The following AP1S3 variants were observed in gnomAD, a reference collection of about 807,000 sequenced individuals.
AP1S3 encodes the protein AP-1 complex subunit sigma-3.
A neutral mutation model predicts 20.9 loss-of-function variants in AP1S3; 10 were observed. The observed-to-expected ratio is 0.48, with a 90% CI of 0.29 to 0.81. AP1S3 has a LOEUF of 0.81. Among genes scored for constraint, AP1S3 ranks in the 30% least tolerant of loss-of-function variants. AP1S3 has a pLI of 0.08. For missense variants in AP1S3, 154 were observed against 183.8 expected (o/e 0.84, Z 0.94); for synonymous variants, 41 against 61.5 (o/e 0.67, Z 1.56).
At chr2:223,787,613 G>C (rs1246224954) in intron 1 of AP1S3, among the ~76,000 whole-genome samples, 1 of 152,248 alleles carries the variant, frequency 6.6e-6, no homozygotes, top group Non-Finnish European at 1.5e-5. Context: ...GGGGCACCAT[G>C]TCCCTAGAAG....
chr2:223,762,309 G>A (rs1254652844), intron 4 of AP1S3, among the ~76,000 whole-genome samples: 1 of 115,896 alleles, frequency 8.6e-6, no homozygotes, highest in South Asian at 2.7e-4. Context: ...GTCTTGCTCT[G>A]TCACCCAGGC....
chr2:223,780,838 A>C (rs1160881919), intron 1 of AP1S3, among the ~76,000 whole-genome samples: 1 of 151,874 alleles, frequency 6.6e-6, no homozygotes, highest in African/African-American at 2.4e-5. Context: ...TGCTTTTCTT[A>C]CATGGGTATA....
In AP1S3 at chr2:223,815,977, G is replaced by C. The variant is rs866603731; in HGVS notation, c.3+21471C>G. ...ATACAAAAATTATCTGGGTATGGTG[G>C]CATATGCCTGTGGTCCCAGCTACTC... On this transcript the variant is annotated intron_variant, in intron 1 of 4. Coordinates refer to ENST00000396654, the MANE Select transcript of AP1S3 (RefSeq NM_001039569.2). Among the ~76,000 whole-genome samples the C allele has an allele frequency of 1.3e-4, 20 of 152,288 alleles. 1 individual carries two copies. Among genetic ancestry groups the C allele is most frequent in the Middle Eastern group, 6.8e-3 (2 of 294 alleles).
intron 1 of AP1S3, among the ~76,000 whole-genome samples, chr2:223,780,660 G>A (rs1246807231): frequency 6.6e-6 from 1 of 151,760 alleles, no homozygotes; most frequent in East Asian, 1.9e-4. Context: ...CGAACTCCTA[G>A]GCTCAAGCGA....
chr2:223,756,338 GAAAGA>G lies in AP1S3; in HGVS notation c.*2372_*2376del, dbSNP rs397940810. 7.9e-4 allele frequency: 206 copies of G among 261,666 alleles called. No individual in the cohort carries two copies. The highest frequency in any genetic ancestry group is 1.9e-3 in the Middle Eastern group (1 of 520). 16.2% of individuals were successfully genotyped at this position (261,666 alleles called of 1,614,324 possible). On this transcript the variant is annotated 3_prime_UTR_variant, in exon 5 of 5. Transcript: ENST00000396654. ...GGTGACAAGAAGCGAGGAAAGAAAA[GAAAGA>G]AAAGAAAAGAAAAGAGAAAAAGAAA...
chr2:223,826,787 G>A (rs945810827), intron 1 of AP1S3, among the ~76,000 whole-genome samples: 3 of 152,006 alleles, frequency 2.0e-5, no homozygotes, highest in African/African-American at 4.8e-5. Flanking sequence ...CCAAGTAGCT[G>A]GGAATACAGG....
intron 2 of AP1S3, among the ~76,000 whole-genome samples, chr2:223,776,872 C>G (rs1690796367): frequency 6.6e-6 from 1 of 152,294 alleles, no homozygotes; most frequent in South Asian, 2.1e-4. Context: ...GAACTGACTA[C>G]TTAAACTCTT....
intron 1 of AP1S3, among the ~76,000 whole-genome samples, chr2:223,812,967 C>T (rs556023732): frequency 4.9e-4 from 74 of 151,236 alleles, no homozygotes; most frequent in African/African-American, 1.7e-3. Context: ...CCTGTTCTGT[C>T]GCCCAGGCTG....
intron 1 of AP1S3, among the ~76,000 whole-genome samples, chr2:223,778,565 T>C (rs1690847089): frequency 6.6e-6 from 1 of 152,204 alleles, no homozygotes. Context: ...AAGGATTTAC[T>C]TTAAAAATTA....
chr2:223,815,940 T>C (rs1691832749), intron 1 of AP1S3, among the ~76,000 whole-genome samples: 1 of 152,078 alleles, frequency 6.6e-6, no homozygotes. Flanking sequence ...TGAAACCACA[T>C]CTGTACAAAA....
chr2:223,787,927 T>G (rs1337675378), intron 1 of AP1S3, among the ~76,000 whole-genome samples: 1 of 152,106 alleles, frequency 6.6e-6, no homozygotes, highest in Non-Finnish European at 1.5e-5. Context: ...AAGCAGGGTA[T>G]TACCTAATCT....
rs531489584 is a variant in AP1S3 at position 223,766,443 on chromosome 2, T to C, written c.292-1093A>G. Reference sequence around the variant, plus strand: ...AGCTCTTTAGTTTAATTGGATCCCATTTGTCTATTTTAGCTTTTGTCACTA... The same window carrying C: ...AGCTCTTTAGTTTAATTGGATCCCACTTGTCTATTTTAGCTTTTGTCACTA... On this transcript the variant is annotated intron_variant, in intron 3 of 4. Coordinates refer to ENST00000396654, the MANE Select transcript of AP1S3 (RefSeq NM_001039569.2). Among the ~76,000 whole-genome samples, 3 of 152,292 alleles carry C rather than the reference T, an allele frequency of 2.0e-5. No individual in the cohort carries two copies. The East Asian group carries it at 5.8e-4, about 29-fold the overall frequency.
At chr2:223,788,351 G>A (rs547910857) in intron 1 of AP1S3, among the ~76,000 whole-genome samples, 3 of 150,794 alleles carry the variant, frequency 2.0e-5, no homozygotes, top group South Asian at 2.2e-4. Context: ...GGTGGCTCAC[G>A]CCTGTAATCC....
chr2:223,772,844 T>C (rs1690666529), intron 3 of AP1S3, among the ~76,000 whole-genome samples: 1 of 152,132 alleles, frequency 6.6e-6, no homozygotes, highest in African/African-American at 2.4e-5. Flanking sequence ...GAGAAATATT[T>C]TATTGCTGAG....
At chr2:223,824,413 CA>C (rs1319482194) in intron 1 of AP1S3, among the ~76,000 whole-genome samples, 2 of 152,200 alleles carry the variant, frequency 1.3e-5, no homozygotes, top group Admixed American at 6.5e-5. Context: ...GCAATTTCAA[CA>C]GCATTACACC....
intron 1 of AP1S3, among the ~76,000 whole-genome samples, chr2:223,805,703 G>C (rs1691563603): frequency 6.6e-6 from 1 of 152,146 alleles, no homozygotes; most frequent in Admixed American, 6.6e-5. Flanking sequence ...TTTTGAAATA[G>C]CTGGCATTTC....
rs752875088 is a variant in AP1S3 at position 223,797,773 on chromosome 2, T to TAAATA, written c.4-19909_4-19905dup. Among the ~76,000 whole-genome samples, 15 of 152,006 alleles carry TAAATA rather than the reference T, an allele frequency of 9.9e-5. No homozygotes were observed. In the South Asian group the frequency reaches 1.2e-3, roughly 13 times the overall value. On this transcript the variant is annotated intron_variant, in intron 1 of 4. Coordinates refer to ENST00000396654, the MANE Select transcript of AP1S3 (RefSeq NM_001039569.2). The stretch of plus-strand genomic sequence containing the variant: ...AGAGCAAAACTCCGTCTCAAAAAAA[T>TAAATA]AAATAAAATAAAATAAAATAAAACC...
At position 223,779,924 on chromosome 2, in the gene AP1S3, G is replaced by A. The variant is rs533600351; in HGVS notation, c.4-2055C>T. On this transcript the variant is annotated intron_variant, in intron 1 of 4. Coordinates refer to ENST00000396654, the MANE Select transcript of AP1S3 (RefSeq NM_001039569.2). ...AGAGGTTGCAGTGAGCCAAGATTGTGCCACTGCACTCCAGCCTGGGCAACA... is the reference window on the plus strand; with the variant it reads ...AGAGGTTGCAGTGAGCCAAGATTGTACCACTGCACTCCAGCCTGGGCAACA... Among the ~76,000 whole-genome samples the A allele has an allele frequency of 3.4e-3, 523 of 152,056 alleles. 2 individuals are homozygous for A. Among genetic ancestry groups the A allele is most frequent in the African/African-American group, 0.012 (497 of 41,490 alleles).
chr2:223,763,170 G>C (rs1309551305), intron 4 of AP1S3, among the ~76,000 whole-genome samples: 1 of 152,132 alleles, frequency 6.6e-6, no homozygotes, highest in Non-Finnish European at 1.5e-5. Context: ...GACATTGCCT[G>C]CTCACCATAG....
Sources: gnomAD v4.1 joint callset for allele counts (sites outside exome capture counted in the v4.1 genomes callset) on GRCh38, gnomAD v4.1.1 for gene constraint, MANE v1.5 for transcripts, NCBI Gene and HGNC (gene_info 2026-07-23, HGNC 2026-07-21) for gene names.